SMPD4: variants seen among roughly 807,000 people sequenced by gnomAD.
SMPD4 encodes sphingomyelin phosphodiesterase 4, also known as neutral sphingomyelinase 3.
In SMPD4, 58 loss-of-function variants were observed where a neutral mutation model predicts 97.8. That is an observed-to-expected ratio of 0.59 (90% CI 0.48 to 0.74). The LOEUF (loss-of-function observed/expected upper bound fraction) is 0.74. SMPD4 is among the 30% of genes least tolerant of loss of function. The pLI is 0.00. For synonymous variants in SMPD4, 388 were observed against 450.0 expected, an observed-to-expected ratio of 0.86 and a Z score of 1.74; for missense variants, 853 against 1,080.5, an observed-to-expected ratio of 0.79 and a Z score of 2.95.
At chr2:130,169,475 A>C (rs1688235197) in intron 8 of SMPD4, among the ~76,000 whole-genome samples, 1 of 152,214 alleles carries the variant, frequency 6.6e-6, no homozygotes, top group Admixed American at 6.5e-5. Context: ...GGCTTAGAGA[A>C]AAAAAAACAC....
At position 130,162,280 on chromosome 2, in the gene SMPD4, C is replaced by T. The variant is rs187756312; in HGVS notation, c.865-1008G>A. On this transcript the variant is annotated intron_variant, in intron 10 of 19. Transcript: ENST00000680298. ...CAGCACCACGGCCTGCCGAAGCACC[C>T]CTTCAGCCCAGTGCAGCCACAGCCG... Among the ~76,000 whole-genome samples the T allele has an allele frequency of 5.2e-3, 798 of 152,344 alleles. 42 individuals carry two copies. The East Asian group carries it at 0.13, about 24-fold the overall frequency.
At chr2:130,173,243 C>A (rs760866804) in intron 5 of SMPD4, 36 bp downstream of exon 5, 6 of 1,598,840 alleles carry the variant, frequency 3.8e-6, no homozygotes, top group Non-Finnish European at 5.1e-6. Context: ...AGGCCCACTG[C>A]CCCGAGCACC....
At chr2:130,177,068 T>C (rs1327432970) in intron 1 of SMPD4, among the ~76,000 whole-genome samples, 2 of 152,144 alleles carry the variant, frequency 1.3e-5, no homozygotes, top group Non-Finnish European at 2.9e-5. Flanking sequence ...ACACATTACA[T>C]TGCCAATTCT....
intron 1 of SMPD4, chr2:130,181,198 A>C (rs1043535561): frequency 4.5e-5 from 49 of 1,090,118 alleles, no homozygotes; most frequent in Admixed American, 2.2e-4. Flanking sequence ...CCCGGCTCTT[A>C]CACCCACACC....
intron 10 of SMPD4, 73 bp downstream of exon 10, chr2:130,164,301 C>T (rs1558751883): frequency 7.4e-7 from 1 of 1,344,066 alleles, no homozygotes; most frequent in East Asian, 2.3e-5. Context: ...AAAACTCACT[C>T]AGAGGCAGGA....
chr2:130,170,256 G>GCAGGCAGAT (rs2104886085), intron 8 of SMPD4, among the ~76,000 whole-genome samples: 1 of 151,798 alleles, frequency 6.6e-6, no homozygotes, highest in South Asian at 2.1e-4. Context: ...GGGGGTCGAG[G>GCAGGCAGAT]CAGGCAGATC....
chr2:130,156,258 G>A (rs545196376), intron 13 of SMPD4, 123 bp from the exon 14 acceptor site: 3 of 840,064 alleles, frequency 3.6e-6, no homozygotes, highest in Non-Finnish European at 5.7e-6. Context: ...AGAGGGCGCA[G>A]GAGAGACATG....
Position 130,151,713 on chromosome 2 carries a change from C to CG in SMPD4, c.*841dup, listed in dbSNP as rs1558734712. On this transcript the variant is annotated 3_prime_UTR_variant, in exon 20 of 20. Coordinates refer to ENST00000680298, the MANE Select transcript of SMPD4 (RefSeq NM_017951.5). Reference sequence around the variant, plus strand: ...TTTTGAATACTTAAGTACCACTGAACGGTTGCCATGTCTTTGAGCACTTGA... The same window carrying CG: ...TTTTGAATACTTAAGTACCACTGAACGGGTTGCCATGTCTTTGAGCACTTGA... The CG allele has an allele frequency of 6.7e-6, 1 of 149,148 alleles. No individual in the cohort carries two copies. The allele number at this position is 149,148 out of a possible 1,614,324, so 9.2% of individuals were successfully genotyped here. A position where few individuals can be genotyped will look rare whatever the true frequency, so the allele number is the denominator to read the frequency against.
intron 1 of SMPD4, among the ~76,000 whole-genome samples, chr2:130,179,122 C>CTT (rs772317420): frequency 6.6e-4 from 88 of 133,838 alleles, no homozygotes; most frequent in Non-Finnish European, 1.0e-3. Flanking sequence ...TTTTTCAATT[C>CTT]TTTTTTTTTT....
chr2:130,159,230 G>A (rs1371708952), intron 11 of SMPD4, among the ~76,000 whole-genome samples: 5 of 152,034 alleles, frequency 3.3e-5, no homozygotes, highest in Non-Finnish European at 7.4e-5. Flanking sequence ...CCTGAGCTCA[G>A]GCAATCCGCC....
chr2:130,174,496 A>G (rs1015666197), intron 3 of SMPD4, among the ~76,000 whole-genome samples: 1 of 152,210 alleles, frequency 6.6e-6, no homozygotes. Flanking sequence ...ATTTAAATAC[A>G]TATTTTTAGT....
At chr2:130,174,120 G>A (rs1688750952) in intron 3 of SMPD4, among the ~76,000 whole-genome samples, 1 of 152,074 alleles carries the variant, frequency 6.6e-6, no homozygotes, top group East Asian at 1.9e-4. Flanking sequence ...TCCTGGGCTC[G>A]AGCAATCCCC....
chr2:130,181,391 C>CA, intron 1 of SMPD4, 139 bp downstream of exon 1: 2 of 1,459,974 alleles, frequency 1.4e-6, no homozygotes, highest in Non-Finnish European at 9.0e-7. Flanking sequence ...CTCCACTCCC[C>CA]AGCCTGCCCT....
chr2:130,167,263 G>A (rs540550488), intron 9 of SMPD4, among the ~76,000 whole-genome samples, 195 bp downstream of exon 9: 2 of 152,290 alleles, frequency 1.3e-5, no homozygotes, highest in African/African-American at 4.8e-5. Flanking sequence ...TGGGATTACA[G>A]GCGCCTGCCA....
upstream of SMPD4, chr2:130,181,728 C>T (rs1311435544): frequency 1.9e-6 from 3 of 1,548,836 alleles, no homozygotes; most frequent in South Asian, 1.2e-5. Flanking sequence ...AATGGCGAGG[C>T]AGGAGTGCGG....
chr2:130,156,956 G>T lies in SMPD4; in HGVS notation c.1098-281C>A, dbSNP rs1686866474. Reference sequence around the variant, plus strand: ...CAGCCCACTCTGCTGGCCCTGGTGGGCCTGGCAGTCAGGGCCACCCCAACT... The same window carrying T: ...CAGCCCACTCTGCTGGCCCTGGTGGTCCTGGCAGTCAGGGCCACCCCAACT... On this transcript the variant is annotated intron_variant, in intron 12 of 19. Coordinates refer to ENST00000680298, the MANE Select transcript of SMPD4 (RefSeq NM_017951.5). The T allele has an allele frequency of 3.3e-6, 3 of 916,208 alleles. No individual in the cohort carries two copies. In the South Asian group the frequency reaches 5.2e-5, roughly 16 times the overall value. The allele number at this position is 916,208 out of a possible 1,614,324, so 56.8% of individuals were successfully genotyped here. A position where few individuals can be genotyped will look rare whatever the true frequency, so the allele number is the denominator to read the frequency against.
At chr2:130,161,607 G>C (rs1687429422) in intron 10 of SMPD4, among the ~76,000 whole-genome samples, 1 of 152,146 alleles carries the variant, frequency 6.6e-6, no homozygotes, top group African/African-American at 2.4e-5. Context: ...GGGGCCTAAA[G>C]GCCTCTCTAG....
intron 1 of SMPD4, among the ~76,000 whole-genome samples, chr2:130,178,805 A>AG (rs1310576596): frequency 6.6e-6 from 1 of 151,682 alleles, no homozygotes; most frequent in African/African-American, 2.4e-5. Context: ...AATGGAAAAA[A>AG]AAAAAGAAAA....
Position 130,174,983 on chromosome 2 carries a change from G to C in SMPD4, c.57C>G (p.Asp19Glu), listed in dbSNP as rs752177878. The change falls in exon 3 of 20, where the codon GAC (aspartate) becomes GAG (glutamate). Residue 19 changes from aspartate (D) to glutamate (E), a missense_variant. By Grantham distance (45) the Asp-to-Glu change is conservative. Coordinates refer to ENST00000680298, the MANE Select transcript of SMPD4 (RefSeq NM_017951.5). ...GCTGTGCAAAGGGCTTATTTATAGA[G>C]TCAGCTTTCAGGCTAGCCTAGAAGA... ...PSFLLASLKA[D>E]SINKPFAQQC... The C allele has an allele frequency of 1.2e-6, 2 of 1,607,592 alleles. No homozygotes were observed. The highest frequency in any genetic ancestry group is 2.2e-5 in the East Asian group (1 of 44,630).
Sources: allele counts gnomAD v4.1 joint callset (sites outside exome capture counted in the v4.1 genomes callset), GRCh38; gene constraint gnomAD v4.1.1; transcripts MANE v1.5; gene names NCBI Gene and HGNC (gene_info 2026-07-23, HGNC 2026-07-21).